NAV1: variants seen among roughly 807,000 people sequenced by gnomAD.
The protein encoded by NAV1 is neuron navigator 1.
In NAV1, 18 loss-of-function variants were observed where a neutral mutation model predicts 175.2. The observed-to-expected ratio is 0.10, with a 90% CI of 0.07 to 0.15. The LOEUF (loss-of-function observed/expected upper bound fraction) is 0.15. Ranked by LOEUF, NAV1 falls within the 10% of genes least tolerant of loss-of-function variation. NAV1 has a pLI of 1.00. For missense variants in NAV1, 1,731 were observed against 2,436.6 expected (o/e 0.71, Z 6.10); for synonymous variants, 897 against 978.7 (o/e 0.92, Z 1.56).
intron 2 of NAV1, among the ~76,000 whole-genome samples, chr1:201,592,696 G>A (rs1571836414): frequency 6.6e-6 from 1 of 152,078 alleles, no homozygotes; most frequent in East Asian, 1.9e-4. Context: ...TGGCAAGGAG[G>A]AGATAATCAA....
intron 3 of NAV1, among the ~76,000 whole-genome samples, chr1:201,754,555 G>A (rs1674334497): frequency 6.6e-6 from 1 of 152,146 alleles, no homozygotes; most frequent in South Asian, 2.1e-4. Flanking sequence ...CCAATGAGTG[G>A]GGGAGTAAAT....
intron 1 of NAV1, among the ~76,000 whole-genome samples, chr1:201,671,066 C>T (rs1369531642): frequency 6.6e-6 from 1 of 152,220 alleles, no homozygotes; most frequent in East Asian, 1.9e-4. Context: ...CATTTCTGCC[C>T]CAAGTGTGCC....
chr1:201,622,921 C>CCTCA, upstream of NAV1: 3 of 986,342 alleles, frequency 3.0e-6, no homozygotes, highest in Non-Finnish European at 3.6e-6. Context: ...CGCCAGCCGC[C>CCTCA]CTCACTACGC....
chr1:201,700,354 C>T (rs902670561), intron 1 of NAV1, among the ~76,000 whole-genome samples: 13 of 152,170 alleles, frequency 8.5e-5, no homozygotes, highest in African/African-American at 2.4e-4. Context: ...ATCACTGGGT[C>T]ATCAGAGAAA....
intron 1 of NAV1, among the ~76,000 whole-genome samples, chr1:201,656,936 T>C (rs1323562949): frequency 2.0e-5 from 3 of 152,160 alleles, no homozygotes; most frequent in Admixed American, 1.3e-4. Flanking sequence ...CCTTTGCCCT[T>C]GGTGACCCAC....
intron 2 of NAV1, among the ~76,000 whole-genome samples, chr1:201,606,915 T>C (rs746907309): frequency 1.3e-5 from 2 of 152,196 alleles, no homozygotes; most frequent in Admixed American, 6.5e-5. Flanking sequence ...TGACAAGCAA[T>C]CTGCAATTTG....
In NAV1 at chr1:201,788,735, T is replaced by A; in HGVS notation, c.3166+97T>A. 7.6e-7 allele frequency: 1 copy of A among 1,324,260 alleles called. No homozygotes were observed. The highest frequency in any genetic ancestry group is 1.0e-6 in the Non-Finnish European group (1 of 964,366). The allele number at this position is 1,324,260 out of a possible 1,614,324, so 82.0% of individuals were successfully genotyped here. On this transcript the variant is annotated intron_variant, in intron 10 of 29. Transcript: ENST00000367296. This position sits in a 1 kb window ranked among gnomAD's most constrained non-coding sequence, Gnocchi z 5.7. ...CCCACCACTCCTACCACCACACACA[T>A]ATATGATTCACAGAACATCAAGTTG...
At chr1:201,714,743 C>G (rs1418792846) in intron 2 of NAV1, among the ~76,000 whole-genome samples, 1 of 152,220 alleles carries the variant, frequency 6.6e-6, no homozygotes, top group East Asian at 1.9e-4. Context: ...ACCCACCAGC[C>G]TCATGCCAAA....
chr1:201,773,467 G>C (rs541867569), intron 3 of NAV1, among the ~76,000 whole-genome samples: 3 of 152,356 alleles, frequency 2.0e-5, no homozygotes, highest in African/African-American at 7.2e-5. Flanking sequence ...TAGAGGGAGG[G>C]AGGAGTAGAA....
chr1:201,648,971 G>C, exon 1 of NAV1: 1 of 1,613,278 alleles, frequency 6.2e-7, no homozygotes, highest in Non-Finnish European at 8.5e-7. Flanking sequence ...CGGACTCCGA[G>C]AAAAAGCTGC....
intron 16 of NAV1, chr1:201,804,197 G>A: frequency 1.9e-6 from 1 of 528,502 alleles, no homozygotes; most frequent in South Asian, 2.2e-5. Flanking sequence ...AGGTCCAGAA[G>A]TCATTTTTGT....
chr1:201,626,468 T>C (rs1668333483), intron 1 of NAV1, among the ~76,000 whole-genome samples: 1 of 152,218 alleles, frequency 6.6e-6, no homozygotes. Flanking sequence ...TCAAGGGCCT[T>C]GGTGTGGCCT....
chr1:201,546,990 A>AT (rs201089522), intron 1 of NAV1, among the ~76,000 whole-genome samples: 28,255 of 144,926 alleles, frequency 0.19, 3,354 homozygotes, highest in East Asian at 0.52. Context: ...GAACAAGGAC[A>AT]TTTTTTTTTT....
At chr1:201,725,942 G>T (rs1409381532) in intron 3 of NAV1, among the ~76,000 whole-genome samples, 2 of 152,136 alleles carry the variant, frequency 1.3e-5, no homozygotes, top group Admixed American at 1.3e-4. Context: ...GGGCGACAAA[G>T]ACCCTGTCTC....
intron 2 of NAV1, among the ~76,000 whole-genome samples, 188 bp downstream of exon 4, chr1:201,629,695 G>A (rs1277818538): frequency 1.3e-5 from 2 of 152,222 alleles, no homozygotes; most frequent in Non-Finnish European, 2.9e-5. Flanking sequence ...AAACCCAGGA[G>A]CCTTTTAGGG....
chr1:201,795,653 C>A (rs1478228701), intron 15 of NAV1: 5 of 152,110 alleles, frequency 3.3e-5, no homozygotes. Flanking sequence ...AATTATGCTT[C>A]TGTCACCATC....
chr1:201,813,917 C>G lies in NAV1; in HGVS notation c.5340+659C>G, dbSNP rs144940681. Among the ~76,000 whole-genome samples the G allele has an allele frequency of 6.6e-6, 1 of 151,974 alleles. No individual in the cohort carries two copies. Among genetic ancestry groups the G allele is most frequent in the Non-Finnish European group, 1.5e-5 (1 of 68,010 alleles). Reference sequence around the variant, plus strand: ...CTAAAAATACAAAAAATTAGCCAGACGTGGTGGTGGGCGCCTGCAGTCCCA... The same window carrying G: ...CTAAAAATACAAAAAATTAGCCAGAGGTGGTGGTGGGCGCCTGCAGTCCCA... On this transcript the variant is annotated intron_variant, in intron 28 of 29. Transcript: ENST00000367296. This position sits in a 1 kb window ranked among gnomAD's most constrained non-coding sequence, Gnocchi z 4.2.
rs186392593 is a variant in NAV1, at chr1:201,787,760, G to A, written c.2996-708G>A. The A allele has an allele frequency of 2.2e-6, 1 of 455,558 alleles. No homozygotes were observed. The highest frequency in any genetic ancestry group is 7.0e-5 in the East Asian group (1 of 14,382). The allele number at this position is 455,558 out of a possible 1,614,324, so 28.2% of individuals were successfully genotyped here. On this transcript the variant is annotated intron_variant, in intron 9 of 29. Coordinates refer to ENST00000367296, the Ensembl canonical transcript of NAV1. The surrounding 1 kb of genome is among the most constrained non-coding windows in gnomAD (Gnocchi z 4.3). ...CTGAAAGGCTGTAATCCCAGCAATG[G>A]GCAAAGGGGTAAGGCATCTGCAGGT...
intron 2 of NAV1, among the ~76,000 whole-genome samples, chr1:201,608,675 C>T (rs555217131): frequency 1.3e-4 from 20 of 152,174 alleles, no homozygotes; most frequent in Admixed American, 3.3e-4. Context: ...TGGGCAGCTA[C>T]GCCCTGGAGC....
Sources: gnomAD v4.1 joint callset for allele counts (sites outside exome capture counted in the v4.1 genomes callset) on GRCh38, gnomAD v4.1.1 for gene constraint, Gnocchi (gnomAD v3.1) non-coding constraint, MANE v1.5 for transcripts, NCBI Gene and HGNC (gene_info 2026-07-23, HGNC 2026-07-21) for gene names.